DPYD: variants seen among roughly 807,000 people sequenced by gnomAD.
The protein encoded by DPYD is dihydropyrimidine dehydrogenase [NADP(+)].
DPYD carries 109 observed loss-of-function variants against 116.2 expected under a neutral mutation model. The ratio of observed to expected loss-of-function variants is 0.94; its 90% CI spans 0.80 to 1.10. The LOEUF is 1.10. DPYD is among the 50% of genes least tolerant of loss of function. The pLI is 0.00. For missense variants in DPYD, 1,302 were observed against 1,254.5 expected (o/e 1.04, Z -0.57); for synonymous variants, 440 against 432.0 (o/e 1.02, Z -0.23).
At chr1:97,192,307 T>C (rs1395639856) in intron 20 of DPYD, among the ~76,000 whole-genome samples, 1 of 152,168 alleles carries the variant, frequency 6.6e-6, no homozygotes, top group Non-Finnish European at 1.5e-5. Flanking sequence ...ATTTGAATTA[T>C]TAAATGCTTC....
chr1:97,241,370 T>TC (rs746110777), intron 18 of DPYD, among the ~76,000 whole-genome samples: 6 of 152,012 alleles, frequency 3.9e-5, no homozygotes, highest in Non-Finnish European at 8.8e-5. Context: ...GTACACTGTG[T>TC]ACTTTAACCC....
At chr1:97,449,611 A>C (rs1445673099) in intron 14 of DPYD, among the ~76,000 whole-genome samples, 1 of 152,234 alleles carries the variant, frequency 6.6e-6, no homozygotes, top group African/African-American at 2.4e-5. Context: ...AATTTAGTAT[A>C]GGAGTGTTAA....
At chr1:97,120,680 C>T (rs1262762806) in intron 20 of DPYD, among the ~76,000 whole-genome samples, 2 of 152,150 alleles carry the variant, frequency 1.3e-5, no homozygotes, top group African/African-American at 2.4e-5. Flanking sequence ...CTCTGCACCC[C>T]CAACCACGTT....
intron 11 of DPYD, among the ~76,000 whole-genome samples, chr1:97,550,884 G>GA (rs1340555939): frequency 6.6e-6 from 1 of 151,928 alleles, no homozygotes; most frequent in Non-Finnish European, 1.5e-5. Flanking sequence ...TAAAATAGAG[G>GA]AAAAAAATAG....
chr1:97,638,432 T>G (rs1657692256), intron 8 of DPYD, among the ~76,000 whole-genome samples: 1 of 152,128 alleles, frequency 6.6e-6, no homozygotes, highest in African/African-American at 2.4e-5. Context: ...CTTTCTAAAT[T>G]AATGGCCATC....
intron 20 of DPYD, among the ~76,000 whole-genome samples, chr1:97,165,476 A>G (rs932556552): frequency 6.6e-6 from 1 of 152,150 alleles, no homozygotes; most frequent in Non-Finnish European, 1.5e-5. Flanking sequence ...ACGCTGGATG[A>G]CAACCTAGAC....
intron 1 of DPYD, among the ~76,000 whole-genome samples, chr1:97,912,255 T>C (rs544315794): frequency 6.6e-6 from 1 of 152,248 alleles, no homozygotes; most frequent in South Asian, 2.1e-4. Context: ...CTCAAGTGTA[T>C]TTCCAGCACA....
At chr1:97,227,898 T>A (rs1661302808) in intron 19 of DPYD, among the ~76,000 whole-genome samples, 1 of 151,990 alleles carries the variant, frequency 6.6e-6, no homozygotes, top group Admixed American at 6.6e-5. Context: ...GAACTTACAT[T>A]TAATTCCTCA....
intron 18 of DPYD, among the ~76,000 whole-genome samples, chr1:97,284,234 A>C (rs1415597703): frequency 6.6e-6 from 1 of 152,034 alleles, no homozygotes; most frequent in Non-Finnish European, 1.5e-5. Flanking sequence ...CTTTGTCTTG[A>C]CTTTTATTTT....
rs200322474 is a variant in DPYD, at chr1:97,595,209, G to C, written c.851-43C>G. 5.2e-5 allele frequency: 79 copies of C among 1,506,008 alleles called. 1 individual carries two copies. In the South Asian group the frequency reaches 7.2e-4, roughly 14 times the overall value. The allele number at this position is 1,506,008 out of a possible 1,614,324, so 93.3% of individuals were successfully genotyped here. On this transcript the variant is annotated intron_variant, in intron 8 of 22. Coordinates refer to ENST00000370192, the MANE Select transcript of DPYD (RefSeq NM_000110.4). ...TAAAATATCATTAGCAGGAGGAGGG[G>C]CTTTTCCTATTAGATATTAAAACAA...
chr1:97,532,750 C>G (rs565717943), intron 12 of DPYD, among the ~76,000 whole-genome samples: 1 of 150,962 alleles, frequency 6.6e-6, no homozygotes, highest in African/African-American at 2.4e-5. Context: ...TTTGAATACT[C>G]TTTTTTTTTC....
intron 13 of DPYD, among the ~76,000 whole-genome samples, chr1:97,514,722 T>TC (rs1400267712): frequency 6.6e-6 from 1 of 151,884 alleles, no homozygotes; most frequent in Non-Finnish European, 1.5e-5. Flanking sequence ...TGTTTTTTTT[T>TC]CTGACTTTTG....
intron 13 of DPYD, among the ~76,000 whole-genome samples, chr1:97,465,383 T>G (rs1178483480): frequency 6.6e-6 from 1 of 152,086 alleles, no homozygotes; most frequent in Non-Finnish European, 1.5e-5. Flanking sequence ...GGTTTTGAAA[T>G]GTGAGGACAT....
chr1:97,250,810 T>C (rs1663035778), intron 18 of DPYD, among the ~76,000 whole-genome samples: 1 of 152,176 alleles, frequency 6.6e-6, no homozygotes, highest in Non-Finnish European at 1.5e-5. Context: ...GAGAACTTTC[T>C]GGTGTGAAGG....
At chr1:97,301,580 C>T (rs1001434820) in intron 18 of DPYD, among the ~76,000 whole-genome samples, 8 of 151,850 alleles carry the variant, frequency 5.3e-5, no homozygotes, top group Admixed American at 5.3e-4. Flanking sequence ...GAAATTCATT[C>T]CCCATTAATA....
intron 19 of DPYD, among the ~76,000 whole-genome samples, chr1:97,206,766 T>C (rs1211179810): frequency 4.0e-5 from 6 of 149,012 alleles, no homozygotes; most frequent in African/African-American, 1.2e-4. Flanking sequence ...TGTATGTGTG[T>C]ATATGTTTTT....
intron 12 of DPYD, among the ~76,000 whole-genome samples, chr1:97,537,744 A>G (rs12091654): frequency 0.26 from 39,080 of 152,124 alleles, 5,250 homozygotes; most frequent in Admixed American, 0.32. Flanking sequence ...CATATGTCCA[A>G]ATTAGATGAA....
At chr1:97,890,748 T>A (rs1332098553) in intron 1 of DPYD, among the ~76,000 whole-genome samples, 1 of 152,002 alleles carries the variant, frequency 6.6e-6, no homozygotes, top group African/African-American at 2.4e-5. Flanking sequence ...ACCAGCCAGG[T>A]AACATGCAAG....
At chr1:97,858,766 A>G (rs1287601601) in intron 2 of DPYD, among the ~76,000 whole-genome samples, 1 of 152,148 alleles carries the variant, frequency 6.6e-6, no homozygotes, top group Non-Finnish European at 1.5e-5. Context: ...ACTTCATTCA[A>G]TTAAGTATTA....
Sources: allele counts gnomAD v4.1 joint callset (sites outside exome capture counted in the v4.1 genomes callset), GRCh38; gene constraint gnomAD v4.1.1; transcripts MANE v1.5; gene names NCBI Gene and HGNC (gene_info 2026-07-23, HGNC 2026-07-21).